NFIB: variants seen among roughly 807,000 people sequenced by gnomAD.
NFIB encodes the protein nuclear factor 1 B-type.
NFIB carries 11 observed loss-of-function variants against 61.5 expected under a neutral mutation model. That is an observed-to-expected ratio of 0.18 (90% CI 0.11 to 0.30). The LOEUF (loss-of-function observed/expected upper bound fraction) is 0.30. Ranked by LOEUF, NFIB falls within the 10% of genes least tolerant of loss-of-function variation. The probability of loss-of-function intolerance (pLI) is 1.00; values close to 1 mark genes in which losing one functional copy is unlikely to be tolerated. For synonymous variants in NFIB, 260 were observed against 216.5 expected (o/e 1.20, Z -1.76); for missense variants, 471 against 608.9 (o/e 0.77, Z 2.38).
In NFIB at chr9:14,120,391, C is replaced by T. The variant is rs776916024; in HGVS notation, c.1245+49G>A. ...TAACCTTTGTGTCTCAGAATTAGAT[C>T]TGTCCCATCTCCCTTAGGTGCTAAT... On this transcript the variant is annotated intron_variant, in intron 8 of 10. Transcript: ENST00000380953. The surrounding 1 kb of genome is among the most constrained non-coding windows in gnomAD (Gnocchi z 4.4). 5.7e-6 allele frequency: 9 copies of T among 1,575,088 alleles called. No individual in the cohort carries two copies. Among genetic ancestry groups the T allele is most frequent in the Middle Eastern group, 1.9e-4 (1 of 5,256 alleles).
chr9:14,369,935 G>C (rs2061340178), intron 1 of NFIB, among the ~76,000 whole-genome samples: 1 of 152,074 alleles, frequency 6.6e-6, no homozygotes, highest in East Asian at 1.9e-4. Flanking sequence ...AAACTTTGGG[G>C]GCTATCTCTT....
chr9:14,129,985 TCAGACAGAA>T (rs1294420077), intron 6 of NFIB, among the ~76,000 whole-genome samples: 1 of 152,142 alleles, frequency 6.6e-6, no homozygotes, highest in Non-Finnish European at 1.5e-5. Flanking sequence ...TGGCTTAAAA[TCAGACAGAA>T]CAATTTAAAT....
At chr9:14,494,066 G>A in the NFIB span, among the ~76,000 whole-genome samples, 1,975 of 152,270 alleles carry the variant, frequency 0.013, 21 homozygotes, top group Non-Finnish European at 0.021. Flanking sequence ...ATTCTTAGGC[G>A]AGGGGGTTTT....
chr9:14,412,330 T>C, the NFIB span, among the ~76,000 whole-genome samples: 1 of 152,204 alleles, frequency 6.6e-6, no homozygotes, highest in Non-Finnish European at 1.5e-5. Context: ...AAGTTGACTG[T>C]TGTATCCCTA....
the NFIB span, among the ~76,000 whole-genome samples, chr9:14,418,354 C>G: frequency 6.6e-6 from 1 of 152,184 alleles, no homozygotes; most frequent in East Asian, 1.9e-4. Context: ...ATGGCTCCCA[C>G]CATGCTGTTT....
chr9:14,089,636 C>T (rs1047263736), intron 10 of NFIB, among the ~76,000 whole-genome samples: 1 of 152,128 alleles, frequency 6.6e-6, no homozygotes, highest in African/African-American at 2.4e-5. Context: ...CATGGCCTAG[C>T]ATGGAAACAT....
At chr9:14,369,327 G>A (rs2061333379) in intron 1 of NFIB, among the ~76,000 whole-genome samples, 1 of 152,160 alleles carries the variant, frequency 6.6e-6, no homozygotes, top group Admixed American at 6.5e-5. Context: ...TTTACTACCA[G>A]TTTTCAAATT....
intron 2 of NFIB, among the ~76,000 whole-genome samples, chr9:14,244,643 G>A (rs1193078851): frequency 6.6e-6 from 1 of 152,102 alleles, no homozygotes; most frequent in Non-Finnish European, 1.5e-5. Context: ...ATACTTATTA[G>A]CCGTTGGCCT....
chr9:14,349,221 G>C (rs1440555241), intron 1 of NFIB, among the ~76,000 whole-genome samples: 2 of 152,238 alleles, frequency 1.3e-5, no homozygotes, highest in African/African-American at 4.8e-5. Flanking sequence ...GGAAGCTAGC[G>C]GGGTGGGGGT....
chr9:14,315,360 G>GCCGCCGCCTCTTGCTCCCT (rs1474896488), upstream of NFIB, among the ~76,000 whole-genome samples: 1 of 150,754 alleles, frequency 6.6e-6, no homozygotes, highest in Non-Finnish European at 1.5e-5. Context: ...CCGAGCCGCC[G>GCCGCCGCCTCTTGCTCCCT]CCGCCGCCTC....
intron 2 of NFIB, among the ~76,000 whole-genome samples, chr9:14,222,187 C>A (rs2051757776): frequency 6.6e-6 from 1 of 152,178 alleles, no homozygotes. Flanking sequence ...CCCACTAATA[C>A]TAACTTTCAA....
the NFIB span, among the ~76,000 whole-genome samples, chr9:14,447,310 G>T: frequency 6.6e-6 from 1 of 152,096 alleles, no homozygotes; most frequent in African/African-American, 2.4e-5. Context: ...ATTTCCTTGT[G>T]CATTTAGTAA....
At chr9:14,161,625 G>C (rs1002869545) in intron 3 of NFIB, among the ~76,000 whole-genome samples, 4 of 151,784 alleles carry the variant, frequency 2.6e-5, no homozygotes, top group African/African-American at 9.7e-5. Flanking sequence ...TGATCTTTAT[G>C]ACTATATATT....
chr9:14,089,186 T>G (rs1263809976), intron 10 of NFIB, among the ~76,000 whole-genome samples: 1 of 152,050 alleles, frequency 6.6e-6, no homozygotes, highest in Non-Finnish European at 1.5e-5. Context: ...AACAGAAGCC[T>G]GAGCATTTCC....
At chr9:14,219,144 CT>C (rs1467187221) in intron 2 of NFIB, among the ~76,000 whole-genome samples, 1 of 152,014 alleles carries the variant, frequency 6.6e-6, no homozygotes, top group Admixed American at 6.6e-5. Flanking sequence ...AATGCTGCAC[CT>C]TATGAAGTTT....
At chr9:14,290,502 C>T (rs2059021272) in intron 2 of NFIB, among the ~76,000 whole-genome samples, 1 of 151,956 alleles carries the variant, frequency 6.6e-6, no homozygotes, top group South Asian at 2.1e-4. Flanking sequence ...CTCCAGAGCT[C>T]AGGAAACTGA....
At chr9:14,370,020 T>A (rs1343072717) in intron 1 of NFIB, among the ~76,000 whole-genome samples, 1 of 152,232 alleles carries the variant, frequency 6.6e-6, no homozygotes, top group Admixed American at 6.5e-5. Context: ...CAGCTTTTCC[T>A]GTCACTCACC....
chr9:14,486,856 T>C, the NFIB span, among the ~76,000 whole-genome samples: 1 of 152,268 alleles, frequency 6.6e-6, no homozygotes, highest in East Asian at 1.9e-4. Context: ...TTTTATTGTT[T>C]TCTACATTGA....
chr9:14,490,260 T>C, the NFIB span, among the ~76,000 whole-genome samples: 9 of 152,148 alleles, frequency 5.9e-5, no homozygotes, highest in South Asian at 6.2e-4. Flanking sequence ...GGAACTTTTG[T>C]TAGTTCTGGG....
Sources: allele counts gnomAD v4.1 joint callset (sites outside exome capture counted in the v4.1 genomes callset), GRCh38; gene constraint gnomAD v4.1.1; non-coding constraint Gnocchi (gnomAD v3.1); transcripts MANE v1.5; gene names NCBI Gene and HGNC (gene_info 2026-07-23, HGNC 2026-07-21).